MAP2: variants seen among roughly 807,000 people sequenced by gnomAD.
The protein encoded by MAP2 is microtubule-associated protein 2.
Under a neutral mutation model 137.6 loss-of-function variants are expected in MAP2, and 14 were observed. That is an observed-to-expected ratio of 0.10 (90% CI 0.07 to 0.16). The LOEUF is 0.16. MAP2 is among the 10% of genes least tolerant of loss of function. The pLI is 1.00. For missense variants in MAP2, 2,088 were observed against 2,191.5 expected, an observed-to-expected ratio of 0.95 and a Z score of 0.94; for synonymous variants, 786 against 782.3, an observed-to-expected ratio of 1.00 and a Z score of -0.08.
intron 3 of MAP2, among the ~76,000 whole-genome samples, chr2:209,611,673 T>A (rs2153488585): frequency 6.6e-6 from 1 of 152,166 alleles, no homozygotes; most frequent in South Asian, 2.1e-4. Flanking sequence ...TGGAGTTATA[T>A]GAGTCCATAA....
At chr2:209,436,668 G>A (rs897568017) in intron 1 of MAP2, among the ~76,000 whole-genome samples, 1 of 151,692 alleles carries the variant, frequency 6.6e-6, no homozygotes, top group South Asian at 2.1e-4. Flanking sequence ...GGAATCTTTA[G>A]ATTTCTCTCA....
chr2:209,461,272 T>TA (rs1702738790), intron 1 of MAP2, among the ~76,000 whole-genome samples: 1 of 152,204 alleles, frequency 6.6e-6, no homozygotes. Flanking sequence ...ATAAATGTAA[T>TA]AAAATTTGAA....
At chr2:209,449,918 T>A (rs1249090181) in intron 1 of MAP2, among the ~76,000 whole-genome samples, 1 of 152,156 alleles carries the variant, frequency 6.6e-6, no homozygotes, top group African/African-American at 2.4e-5. Flanking sequence ...AAGTCACTTA[T>A]CTTTTTTATT....
In MAP2 at chr2:209,567,895, AG is replaced by A. The variant is rs1424613388; in HGVS notation, c.-171-12140del. Among the ~76,000 whole-genome samples the A allele has an allele frequency of 2.6e-5, 4 of 152,086 alleles. No homozygotes were observed. The East Asian group carries it at 7.7e-4, about 29-fold the overall frequency. On this transcript the variant is annotated intron_variant, in intron 2 of 15. Transcript: ENST00000682079. ...ATGATAGAATGAGCCATGAAGTTTT[AG>A]TAGAAATAGAAACAGTACGCCCACT... is the stretch of plus-strand genomic sequence containing the variant.
chr2:209,561,733 TACTC>T (rs1428487949), intron 2 of MAP2, among the ~76,000 whole-genome samples: 34 of 152,368 alleles, frequency 2.2e-4, no homozygotes, highest in Admixed American at 1.8e-3. Flanking sequence ...ACAAATGAAT[TACTC>T]AGTCTTCAAA....
At chr2:209,561,956 T>G (rs2153349490) in intron 2 of MAP2, among the ~76,000 whole-genome samples, 1 of 152,290 alleles carries the variant, frequency 6.6e-6, no homozygotes, top group East Asian at 1.9e-4. Context: ...AGTAGCTAAC[T>G]CTGGTAGTAC....
chr2:209,700,136 T>C, intron 10 of MAP2, 141 bp from the exon 11 acceptor site: 1 of 613,692 alleles, frequency 1.6e-6, no homozygotes, highest in Non-Finnish European at 2.9e-6. Flanking sequence ...ACTTGAGTTA[T>C]TGAATTTGAG....
intron 5 of MAP2, 87 bp downstream of exon 5, chr2:209,653,519 T>A: frequency 2.9e-6 from 4 of 1,375,294 alleles, no homozygotes; most frequent in Non-Finnish European, 3.9e-6. Context: ...ACAGCACTGA[T>A]CCTCTTTCAC....
At chr2:209,483,921 T>TGATTTGAA (rs1221201926) in intron 1 of MAP2, among the ~76,000 whole-genome samples, 27 of 152,158 alleles carry the variant, frequency 1.8e-4, no homozygotes, top group Admixed American at 1.2e-3. Context: ...CTCAGAGCAC[T>TGATTTGAA]TCCAGAGGAT....
chr2:209,472,224 T>G (rs894179433), intron 1 of MAP2, among the ~76,000 whole-genome samples: 10 of 152,204 alleles, frequency 6.6e-5, no homozygotes, highest in African/African-American at 2.4e-4. Flanking sequence ...TAATTTTCAT[T>G]TGGAGCCCCT....
In MAP2 at chr2:209,695,926, A is replaced by C. The variant is rs185809016; in HGVS notation, c.3756A>C (p.Ser1252=). The change falls in exon 8 of 16, where the codon TCA becomes TCC. Residue 1252 remains serine, a synonymous_variant. Transcript: ENST00000682079. ...AATATGATAAACTGCTCTTCCGCTCAGACACCCTTCAGATAACTGACCTGG... is the reference window on the plus strand; with the variant it reads ...AATATGATAAACTGCTCTTCCGCTCCGACACCCTTCAGATAACTGACCTGG... ...QGEYDKLLFR[S]DTLQITDLGV... is the part of the protein sequence containing the mutation. 2.5e-6 allele frequency: 4 copies of C among 1,614,132 alleles called. 1 individual carries two copies. The Admixed American group carries it at 6.7e-5, about 27-fold the overall frequency.
intron 2 of MAP2, among the ~76,000 whole-genome samples, chr2:209,523,262 T>G (rs2063539430): frequency 2.0e-5 from 3 of 152,124 alleles, no homozygotes; most frequent in Admixed American, 2.0e-4. Flanking sequence ...AATCAACATG[T>G]TTTAAAGATT....
chr2:209,565,534 C>T (rs1380280880), intron 2 of MAP2, among the ~76,000 whole-genome samples: 1 of 152,136 alleles, frequency 6.6e-6, no homozygotes, highest in East Asian at 1.9e-4. Flanking sequence ...AATATCTATA[C>T]ATTACAGATT....
chr2:209,636,678 G>A (rs536001705), intron 4 of MAP2, among the ~76,000 whole-genome samples: 134 of 151,732 alleles, frequency 8.8e-4, no homozygotes, highest in Non-Finnish European at 1.6e-3. Context: ...TACATCTATG[G>A]ATTATTTAAA....
intron 5 of MAP2, among the ~76,000 whole-genome samples, chr2:209,670,069 A>G (rs911258331): frequency 7.2e-5 from 11 of 152,048 alleles, no homozygotes; most frequent in African/African-American, 2.4e-4. Flanking sequence ...AGAACATTTC[A>G]AAGTTCCAAA....
At chr2:209,583,601 C>G (rs895413895) in intron 3 of MAP2, among the ~76,000 whole-genome samples, 9 of 151,822 alleles carry the variant, frequency 5.9e-5, no homozygotes, top group African/African-American at 2.2e-4. Flanking sequence ...GGACAACTAA[C>G]TTGGAAAAAT....
At chr2:209,571,607 T>C (rs931228638) in intron 2 of MAP2, among the ~76,000 whole-genome samples, 4 of 152,004 alleles carry the variant, frequency 2.6e-5, no homozygotes, top group African/African-American at 9.7e-5. Context: ...CCCAACATAG[T>C]TCTTAAAGTG....
intron 3 of MAP2, among the ~76,000 whole-genome samples, chr2:209,621,256 G>A (rs1300060078): frequency 2.2e-5 from 3 of 135,934 alleles, no homozygotes; most frequent in Non-Finnish European, 3.1e-5. Flanking sequence ...CAGGCATCTT[G>A]ATTTTTTTTT....
At chr2:209,489,770 C>A (rs2058840656) in intron 1 of MAP2, among the ~76,000 whole-genome samples, 1 of 152,064 alleles carries the variant, frequency 6.6e-6, no homozygotes, top group Non-Finnish European at 1.5e-5. Flanking sequence ...ATGAACAAAG[C>A]CTCCAAGAAA....
Sources: gnomAD v4.1 joint callset for allele counts (sites outside exome capture counted in the v4.1 genomes callset) on GRCh38, gnomAD v4.1.1 for gene constraint, MANE v1.5 for transcripts, NCBI Gene and HGNC (gene_info 2026-07-23, HGNC 2026-07-21) for gene names.